BCKDHB: variants seen among roughly 807,000 people sequenced by gnomAD.
The protein encoded by BCKDHB is branched chain keto acid dehydrogenase E1 subunit beta, also known as 2-oxoisovalerate dehydrogenase subunit beta, mitochondrial.
BCKDHB carries 41 observed loss-of-function variants against 48.5 expected under a neutral mutation model. The observed-to-expected ratio is 0.85, with a 90% CI of 0.66 to 1.10. The LOEUF (loss-of-function observed/expected upper bound fraction) is 1.10, where lower values mean the gene tolerates loss of function less well. Among genes scored for constraint, BCKDHB ranks in the 50% least tolerant of loss-of-function variants. The pLI is 0.00. For missense variants in BCKDHB, 496 were observed against 494.2 expected, an observed-to-expected ratio of 1.00 and a Z score of -0.03; for synonymous variants, 201 against 174.8, an observed-to-expected ratio of 1.15 and a Z score of -1.18.
chr6:80,438,402 A>G, the BCKDHB span, among the ~76,000 whole-genome samples: 5 of 152,230 alleles, frequency 3.3e-5, no homozygotes, highest in African/African-American at 9.6e-5. Context: ...ACAAAAATGT[A>G]TTTGAAATTC....
At chr6:80,238,768 A>G (rs752154211) in intron 8 of BCKDHB, among the ~76,000 whole-genome samples, 1 of 151,716 alleles carries the variant, frequency 6.6e-6, no homozygotes, top group African/African-American at 2.4e-5. Flanking sequence ...ATCCCATGAC[A>G]GGCCCCAGTG....
intron 9 of BCKDHB, among the ~76,000 whole-genome samples, chr6:80,323,823 C>A (rs774635534): frequency 1.1e-4 from 17 of 152,110 alleles, no homozygotes; most frequent in Non-Finnish European, 2.1e-4. Flanking sequence ...CCCAGGCTGG[C>A]GTGCAGTGGC....
At chr6:80,422,174 C>A in the BCKDHB span, among the ~76,000 whole-genome samples, 1 of 152,174 alleles carries the variant, frequency 6.6e-6, no homozygotes, top group East Asian at 1.9e-4. Context: ...CATCCCCAGT[C>A]CTGGCTAAAA....
the BCKDHB span, among the ~76,000 whole-genome samples, chr6:80,412,863 G>T: frequency 2.0e-5 from 3 of 152,284 alleles, no homozygotes; most frequent in South Asian, 6.2e-4. Flanking sequence ...GACCTGCAGG[G>T]TAATCTGCTG....
chr6:80,219,892 C>A (rs190395481), intron 8 of BCKDHB, among the ~76,000 whole-genome samples: 15 of 152,104 alleles, frequency 9.9e-5, no homozygotes, highest in Admixed American at 9.8e-4. Flanking sequence ...CACCCTGATT[C>A]TTATTCTTTT....
chr6:80,303,362 C>T (rs1767683797), intron 9 of BCKDHB, among the ~76,000 whole-genome samples: 1 of 151,964 alleles, frequency 6.6e-6, no homozygotes, highest in Admixed American at 6.6e-5. Flanking sequence ...CATATTGTAA[C>T]TGAATAAGTC....
At chr6:80,122,063 G>A (rs1770055320) in intron 1 of BCKDHB, among the ~76,000 whole-genome samples, 1 of 152,290 alleles carries the variant, frequency 6.6e-6, no homozygotes, top group Middle Eastern at 3.4e-3. Context: ...TAGCATGAAG[G>A]GCTGTTGAAT....
At chr6:80,299,672 C>CATTT (rs1767470129) in intron 9 of BCKDHB, among the ~76,000 whole-genome samples, 1 of 152,152 alleles carries the variant, frequency 6.6e-6, no homozygotes, top group Non-Finnish European at 1.5e-5. Context: ...TGAGGGAATA[C>CATTT]ATTTCATCTA....
At chr6:80,402,373 G>A in the BCKDHB span, among the ~76,000 whole-genome samples, 8 of 151,654 alleles carry the variant, frequency 5.3e-5, no homozygotes, top group South Asian at 2.1e-4. Flanking sequence ...TAGTGATGTC[G>A]AGCAACTAGT....
intron 3 of BCKDHB, among the ~76,000 whole-genome samples, chr6:80,129,790 TTTCTC>T (rs1432702849): frequency 1.3e-5 from 2 of 152,118 alleles, no homozygotes; most frequent in Non-Finnish European, 2.9e-5. Context: ...CCTGCAGTCT[TTTCTC>T]TTAAGGCCTT....
At chr6:80,282,738 T>C (rs1383568618) in intron 9 of BCKDHB, among the ~76,000 whole-genome samples, 1 of 152,040 alleles carries the variant, frequency 6.6e-6, no homozygotes, top group Non-Finnish European at 1.5e-5. Context: ...GAAAAGAAAC[T>C]TGCACTATAA....
intron 6 of BCKDHB, among the ~76,000 whole-genome samples, chr6:80,190,321 C>G (rs539172252): frequency 6.6e-6 from 1 of 152,056 alleles, no homozygotes; most frequent in Non-Finnish European, 1.5e-5. Flanking sequence ...TTTTAAAATA[C>G]ACAGTTTTTG....
chr6:80,420,712 G>C, the BCKDHB span, among the ~76,000 whole-genome samples: 1 of 152,134 alleles, frequency 6.6e-6, no homozygotes, highest in East Asian at 1.9e-4. Flanking sequence ...ATGTACTCCT[G>C]TCCCTTCTCC....
chr6:80,146,064 C>G (rs965478644), intron 3 of BCKDHB, among the ~76,000 whole-genome samples: 1 of 152,102 alleles, frequency 6.6e-6, no homozygotes, highest in African/African-American at 2.4e-5. Context: ...CCCTACCTTG[C>G]CCATATGCTG....
At chr6:80,297,495 C>G (rs1331496324) in intron 9 of BCKDHB, among the ~76,000 whole-genome samples, 3 of 152,096 alleles carry the variant, frequency 2.0e-5, no homozygotes, top group Non-Finnish European at 2.9e-5. Flanking sequence ...GACAGAAGGT[C>G]CAGTAGTTGT....
the BCKDHB span, among the ~76,000 whole-genome samples, chr6:80,360,333 C>T: frequency 6.6e-6 from 1 of 152,208 alleles, no homozygotes; most frequent in Non-Finnish European, 1.5e-5. Flanking sequence ...ACTTTTCACA[C>T]ATCATTGTCA....
chr6:80,240,751 A>G lies in BCKDHB; in HGVS notation c.952-32384A>G, dbSNP rs181310113. On this transcript the variant is annotated intron_variant, in intron 8 of 9. Transcript: ENST00000320393. ...GCATCCCTGTCTTGTGCCAGTTTTT[A>G]AAGGGAATGCTTCCAGTTTTTGCCC... 2.1e-3 allele frequency among the ~76,000 whole-genome samples: 319 copies of G among 152,196 alleles called. 3 individuals carry two copies. Among genetic ancestry groups the G allele is most frequent in the Non-Finnish European group, 1.2e-3 (80 of 68,006 alleles).
At chr6:80,140,886 T>C (rs1771169115) in intron 3 of BCKDHB, among the ~76,000 whole-genome samples, 1 of 152,106 alleles carries the variant, frequency 6.6e-6, no homozygotes, top group Non-Finnish European at 1.5e-5. Flanking sequence ...ATGGTACCAG[T>C]TCCTCCTTGT....
chr6:80,433,652 C>T, the BCKDHB span, among the ~76,000 whole-genome samples: 1 of 152,116 alleles, frequency 6.6e-6, no homozygotes, highest in African/African-American at 2.4e-5. Context: ...GCTTCAGCCC[C>T]CTTTCCAGGA....
Sources: gnomAD v4.1 joint callset for allele counts (sites outside exome capture counted in the v4.1 genomes callset) on GRCh38, gnomAD v4.1.1 for gene constraint, MANE v1.5 for transcripts, NCBI Gene and HGNC (gene_info 2026-07-23, HGNC 2026-07-21) for gene names.